TBC1D4: variants seen among roughly 807,000 people sequenced by gnomAD.
TBC1D4 encodes TBC1 domain family member 4, also known as TBC (Tre-2, BUB2, CDC16) domain-containing protein.
A neutral mutation model predicts 142.5 loss-of-function variants in TBC1D4; 121 were observed. The observed-to-expected ratio is 0.85, with a 90% CI of 0.73 to 0.99. The LOEUF (loss-of-function observed/expected upper bound fraction) is 0.99, where lower values mean the gene tolerates loss of function less well. TBC1D4 is among the 50% of genes least tolerant of loss of function. TBC1D4 has a pLI of 0.00. For missense variants in TBC1D4, 1,475 were observed against 1,606.6 expected, an observed-to-expected ratio of 0.92 and a Z score of 1.40; for synonymous variants, 630 against 628.2, an observed-to-expected ratio of 1.00 and a Z score of -0.04.
At chr13:75,463,414 G>A (rs1381475091) in intron 1 of TBC1D4, among the ~76,000 whole-genome samples, 5 of 152,162 alleles carry the variant, frequency 3.3e-5, no homozygotes, top group African/African-American at 9.7e-5. Flanking sequence ...AAAGTGCTAA[G>A]CTGACTCCAT....
rs1382049938 is a variant in TBC1D4, at chr13:75,442,832, C to T, written c.498+38438G>A. On this transcript the variant is annotated intron_variant, in intron 1 of 20. Transcript: ENST00000377636. ...AAAGAAAAGTCAGTGAGTAACAGAG[C>T]GAAAAAAGAAAACAGAACAGAGCAG... is the stretch of plus-strand genomic sequence containing the variant. 2.0e-5 allele frequency among the ~76,000 whole-genome samples: 3 copies of T among 151,362 alleles called. 1 individual carries two copies. The highest frequency in any genetic ancestry group is 3.0e-5 in the Non-Finnish European group (2 of 67,788).
chr13:75,351,169 A>G (rs1000730978), intron 4 of TBC1D4, among the ~76,000 whole-genome samples: 10 of 152,156 alleles, frequency 6.6e-5, no homozygotes, highest in Non-Finnish European at 1.5e-4. Context: ...ACAAAGCCCA[A>G]TTTACAAAAT....
chr13:75,320,751 G>A (rs992056478), intron 11 of TBC1D4, among the ~76,000 whole-genome samples: 11 of 151,634 alleles, frequency 7.3e-5, no homozygotes, highest in Admixed American at 2.0e-4. Flanking sequence ...TAGGCTGGGC[G>A]CGGTGCTCAT....
chr13:75,439,261 T>C (rs552901459), intron 1 of TBC1D4, among the ~76,000 whole-genome samples: 2 of 152,284 alleles, frequency 1.3e-5, no homozygotes, highest in Admixed American at 1.3e-4. Flanking sequence ...TGTATAAAGT[T>C]TTTTATTCTA....
Position 75,481,442 on chromosome 13 carries a change from G to A in TBC1D4, c.326C>T (p.Ala109Val), listed in dbSNP as rs745599276. Residue 109 changes from alanine (A) to valine (V), a missense_variant, in exon 1 of 21, where the codon GCC becomes GTC. Physicochemically the swap from Ala to Val is moderately conservative, Grantham distance 64 (BLOSUM62 0). Coordinates refer to ENST00000377636, the MANE Select transcript of TBC1D4 (RefSeq NM_014832.5). ...AGASGGTSPS[A>V]TQPNPAVFIF... ...GAATACCGCCGGGTTGGGCTGCGTG[G>A]CCGACGGACTAGTGCCCCCCGAGGC... 8.1e-6 allele frequency: 13 copies of A among 1,613,704 alleles called. No homozygotes were observed. The South Asian group carries it at 1.3e-4, about 16-fold the overall frequency.
intron 1 of TBC1D4, among the ~76,000 whole-genome samples, chr13:75,480,360 T>C (rs1888786164): frequency 6.6e-6 from 1 of 152,218 alleles, no homozygotes; most frequent in African/African-American, 2.4e-5. Context: ...TTTGGAAGCT[T>C]TTGATATGGC....
chr13:75,365,516 C>A (rs1473753643), intron 1 of TBC1D4, among the ~76,000 whole-genome samples: 1 of 152,078 alleles, frequency 6.6e-6, no homozygotes, highest in Admixed American at 6.6e-5. Context: ...GAAGCATTTA[C>A]TTAAGGGATT....
intron 1 of TBC1D4, among the ~76,000 whole-genome samples, chr13:75,449,879 C>T (rs555364465): frequency 6.6e-6 from 1 of 152,016 alleles, no homozygotes; most frequent in Non-Finnish European, 1.5e-5. Context: ...GGCATCGTGC[C>T]CAGCCAAATG....
chr13:75,355,250 G>C (rs1566417442), intron 4 of TBC1D4, among the ~76,000 whole-genome samples: 1 of 152,210 alleles, frequency 6.6e-6, no homozygotes. Context: ...AGAAATCCTG[G>C]TGGGAGGATC....
intron 4 of TBC1D4, among the ~76,000 whole-genome samples, chr13:75,349,634 C>G (rs554865996): frequency 1.9e-3 from 294 of 152,226 alleles, no homozygotes; most frequent in Non-Finnish European, 2.9e-3. Flanking sequence ...TATGCTTTAT[C>G]AGATAAAGAT....
chr13:75,420,526 AT>A (rs1186126719), intron 1 of TBC1D4, among the ~76,000 whole-genome samples: 1 of 152,222 alleles, frequency 6.6e-6, no homozygotes, highest in African/African-American at 2.4e-5. Flanking sequence ...TCAAGTGGCG[AT>A]TTGGTGAGGC....
chr13:75,459,870 C>T (rs753520219), intron 1 of TBC1D4, among the ~76,000 whole-genome samples: 124 of 152,124 alleles, frequency 8.2e-4, no homozygotes, highest in Non-Finnish European at 1.3e-3. Context: ...TGGCAAGGCG[C>T]GGTGGCTCAC....
chr13:75,287,602 G>A (rs1874823413), intron 20 of TBC1D4, among the ~76,000 whole-genome samples: 1 of 152,024 alleles, frequency 6.6e-6, no homozygotes, highest in Admixed American at 6.5e-5. Flanking sequence ...AACTAAAAAT[G>A]GACAATATAC....
chr13:75,379,670 G>A (rs886610301), intron 1 of TBC1D4, among the ~76,000 whole-genome samples: 3 of 151,918 alleles, frequency 2.0e-5, no homozygotes, highest in Non-Finnish European at 2.9e-5. Context: ...AATATTTCAT[G>A]GTTAATTGAC....
chr13:75,458,297 CA>C (rs1887824196), intron 1 of TBC1D4, among the ~76,000 whole-genome samples: 1 of 152,168 alleles, frequency 6.6e-6, no homozygotes, highest in African/African-American at 2.4e-5. Flanking sequence ...CAACCACCCC[CA>C]GCCGAACTCT....
intron 4 of TBC1D4, among the ~76,000 whole-genome samples, chr13:75,353,239 A>C (rs1881763404): frequency 6.6e-6 from 1 of 152,210 alleles, no homozygotes; most frequent in East Asian, 1.9e-4. Flanking sequence ...TTCTACATGC[A>C]TGAGGGCAAA....
At chr13:75,471,156 A>AATAT (rs66849176) in intron 1 of TBC1D4, among the ~76,000 whole-genome samples, 8 of 150,262 alleles carry the variant, frequency 5.3e-5, no homozygotes, top group South Asian at 2.1e-4. Flanking sequence ...TTAATTTTTA[A>AATAT]ATATATATAT....
chr13:75,465,263 A>G (rs1454579560), intron 1 of TBC1D4, among the ~76,000 whole-genome samples: 1 of 152,214 alleles, frequency 6.6e-6, no homozygotes, highest in East Asian at 1.9e-4. Context: ...ACTCCTCTGC[A>G]AAATTTTAAG....
At position 75,481,387 on chromosome 13, in the gene TBC1D4, C is replaced by G. The variant is rs1295760820; in HGVS notation, c.381G>C (p.Ser127=). 6.2e-7 allele frequency: 1 copy of G among 1,613,894 alleles called. No individual in the cohort carries two copies. Among genetic ancestry groups the G allele is most frequent in the Non-Finnish European group, 8.5e-7 (1 of 1,179,850 alleles). ...FIFEHKAQHI[S]RFIHNSHDLT... The stretch of plus-strand genomic sequence containing the variant: ...GGTCGTGGCTGTTGTGGATGAAGCG[C>G]GAGATATGCTGCGCCTTGTGCTCGA... Residue 127 remains serine, a synonymous_variant, in exon 1 of 21, where the codon TCG becomes TCC. Transcript: ENST00000377636.
Sources: allele counts gnomAD v4.1 joint callset (sites outside exome capture counted in the v4.1 genomes callset), GRCh38; gene constraint gnomAD v4.1.1; transcripts MANE v1.5; gene names NCBI Gene and HGNC (gene_info 2026-07-23, HGNC 2026-07-21).